Variants in PLEKHG2 observed in about 807,000 individuals in gnomAD.
PLEKHG2 encodes pleckstrin homology domain-containing family G member 2.
Under a neutral mutation model 104.4 loss-of-function variants are expected in PLEKHG2, and 71 were observed. The ratio of observed to expected loss-of-function variants is 0.68; its 90% CI spans 0.56 to 0.83. The LOEUF is 0.83. PLEKHG2 is among the 40% of genes least tolerant of loss of function. The pLI, the probability that PLEKHG2 is intolerant of heterozygous loss-of-function variation, is 0.00. For missense variants in PLEKHG2, 1,730 were observed against 1,809.4 expected (o/e 0.96, Z 0.80); for synonymous variants, 728 against 737.0 (o/e 0.99, Z 0.20).
At chr19:39,421,510 A>G (rs2078699123) in intron 16 of PLEKHG2, among the ~76,000 whole-genome samples, 1 of 151,918 alleles carries the variant, frequency 6.6e-6, no homozygotes, top group Non-Finnish European at 1.5e-5. Flanking sequence ...ACATGGCAAA[A>G]CCCCATCTCT....
Position 39,415,124 on chromosome 19 carries a change from C to A in PLEKHG2, c.242C>A (p.Pro81Gln). ...TCAGCCTCCAGGCCAGAGCCCCTTC[C>A]AGGGCCTCCCATCCGCCTACATCTC... ...ACSASRPEPL[P>Q]GPPIRLHLSP... is the part of the protein sequence containing the mutation. Residue 81 changes from proline to glutamine, a missense_variant, in exon 3 of 19, where the codon CCA (proline) becomes CAA (glutamine). Transcript: ENST00000425673. The surrounding 1 kb of genome is among the most constrained non-coding windows in gnomAD (Gnocchi z 4.6). The A allele has an allele frequency of 6.3e-7, 1 of 1,598,926 alleles. No individual in the cohort carries two copies.
intron 17 of PLEKHG2, 58 bp downstream of exon 17, chr19:39,422,346 A>G (rs938502540): frequency 1.4e-5 from 21 of 1,553,882 alleles, no homozygotes; most frequent in Non-Finnish European, 1.7e-5. Context: ...CACACAGACC[A>G]GGGACCAGAT....
rs1568397612 is a variant in PLEKHG2, at chr19:39,422,877, G to A, written c.1823G>A (p.Gly608Glu). ...EEEGLEMDER[G>E]PSPLHVLEGL... ...GAAGGGCTGGAGATGGATGAACGGG[G>A]GCCTTCCCCACTCCACGTCCTGGAA... The change falls in exon 18 of 19, where the codon GGG becomes GAG. Residue 608 changes from glycine (G) to glutamate (E), a missense_variant. By Grantham distance (98) the Gly-to-Glu change is moderately conservative. Coordinates refer to ENST00000425673, the MANE Select transcript of PLEKHG2 (RefSeq NM_022835.3). 3 of 1,585,264 alleles carry A rather than the reference G, an allele frequency of 1.9e-6. No homozygotes were observed. The highest frequency in any genetic ancestry group is 1.7e-6 in the Non-Finnish European group (2 of 1,163,980).
At position 39,418,931 on chromosome 19, in the gene PLEKHG2, A is replaced by C. The variant is rs747098821; in HGVS notation, c.1191A>C (p.Glu397Asp). 1.9e-6 allele frequency: 3 copies of C among 1,612,310 alleles called. No homozygotes were observed. Among genetic ancestry groups the C allele is most frequent in the Admixed American group, 1.7e-5 (1 of 59,684 alleles). The part of the protein sequence containing the change: ...HRHLLQAKNQ[E>D]EKRLWIHCLQ... The stretch of plus-strand genomic sequence containing the variant: ...CCCACTCCTAGGCCAAGAACCAAGA[A>C]GAGAAGAGGCTGTGGATTCACTGTC... The change falls in exon 11 of 19, where the codon GAA (glutamate) becomes GAC (aspartate). Residue 397 changes from glutamate to aspartate, a missense_variant. Glu to Asp is a conservative substitution (Grantham distance 45). Transcript: ENST00000425673.
rs767871729 is a variant in PLEKHG2 at position 39,414,144 on chromosome 19, G to T, written c.58G>T (p.Gly20Cys). 6.8e-5 allele frequency: 106 copies of T among 1,551,564 alleles called. 3 individuals carry two copies. The South Asian group carries it at 1.2e-3, about 18-fold the overall frequency. ...CAAACCTAGCCCAAGCCTCGGGTGT[G>T]GCCGAAGAGGTGAAGTGTGTGACTG... ...LSKPSPSLGC[G>C]RRGEVCDCGT... is the part of the protein sequence containing the mutation. Residue 20 changes from glycine to cysteine, a missense_variant, in exon 2 of 19, where the codon GGC becomes TGC. Physicochemically the swap from Gly to Cys is radical, Grantham distance 159. Transcript: ENST00000425673.
chr19:39,420,435 A>G (rs545496089), intron 11 of PLEKHG2, among the ~76,000 whole-genome samples, 191 bp from the exon 12 acceptor site: 2 of 152,200 alleles, frequency 1.3e-5, no homozygotes, highest in South Asian at 4.1e-4. Flanking sequence ...TGAGGTGGGA[A>G]GATCGCTTGA....
At position 39,416,861 on chromosome 19, in the gene PLEKHG2, T is replaced by C; in HGVS notation, c.605T>C (p.Leu202Pro). 6.2e-7 allele frequency: 1 copy of C among 1,606,326 alleles called. No homozygotes were observed. Among genetic ancestry groups the C allele is most frequent in the Non-Finnish European group, 8.5e-7 (1 of 1,176,686 alleles). Reference sequence around the variant, plus strand: ...TGCTGTGCCCCCAGCTCCCTGGCCCTGCTCCGGGAGCTGTCGTTGTCTCCG... The same window carrying C: ...TGCTGTGCCCCCAGCTCCCTGGCCCCGCTCCGGGAGCTGTCGTTGTCTCCG... ...YCMNYPSSLA[L>P]LRELSLSPPA... The change falls in exon 7 of 19, where the codon CTG becomes CCG. Residue 202 changes from leucine to proline, a missense_variant. Physicochemically the swap from Leu to Pro is moderately conservative, Grantham distance 98. Transcript: ENST00000425673. This position sits in a 1 kb window ranked among gnomAD's most constrained non-coding sequence, Gnocchi z 4.5.
chr19:39,428,162 T>C lies in PLEKHG2; in HGVS notation c.*2868T>C, dbSNP rs2078803590. 1 of 152,156 alleles carries C rather than the reference T, an allele frequency of 6.6e-6. No individual in the cohort carries two copies. The highest frequency in any genetic ancestry group is 2.1e-4 in the South Asian group (1 of 4,832). 9.4% of individuals were successfully genotyped at this position (152,156 alleles called of 1,614,324 possible). On this transcript the variant is annotated 3_prime_UTR_variant, in exon 19 of 19. Coordinates refer to ENST00000425673, the MANE Select transcript of PLEKHG2 (RefSeq NM_022835.3). Reference sequence around the variant, plus strand: ...AGGTGGAGGTTGCAGTGAACCGAGATTGCGCCACTAGACTCCAGCCTGGGA... The same window carrying C: ...AGGTGGAGGTTGCAGTGAACCGAGACTGCGCCACTAGACTCCAGCCTGGGA...
chr19:39,419,047 C>A (rs1371260431), intron 11 of PLEKHG2, 44 bp downstream of exon 11: 1 of 1,529,726 alleles, frequency 6.5e-7, no homozygotes, highest in Non-Finnish European at 8.8e-7. Context: ...GTGCTGGAGA[C>A]ACCCTCCCCC....
rs148317053 is a variant in PLEKHG2, at chr19:39,424,204, A to G, written c.3071A>G (p.Lys1024Arg). The G allele has an allele frequency of 2.0e-5, 33 of 1,614,170 alleles. No homozygotes were observed. The African/African-American group carries it at 2.7e-4, about 13-fold the overall frequency. ...GTTCCCACCACTCCAGCTTTGCCCAAGGAGATTTGTTCTGATTTCACAGTT... is the reference window on the plus strand; with the variant it reads ...GTTCCCACCACTCCAGCTTTGCCCAGGGAGATTTGTTCTGATTTCACAGTT... ...IHVPTTPALPKEICSDFTVSV... is the reference protein window; with the variant it reads ...IHVPTTPALPREICSDFTVSV... Residue 1024 changes from lysine (K) to arginine (R), a missense_variant, in exon 19 of 19, where the codon AAG (lysine) becomes AGG (arginine). Transcript: ENST00000425673.
At position 39,418,918 on chromosome 19, in the gene PLEKHG2, C is replaced by T; in HGVS notation, c.1178C>T (p.Ala393Val). 6.2e-7 allele frequency: 1 copy of T among 1,611,262 alleles called. No individual in the cohort carries two copies. Among genetic ancestry groups the T allele is most frequent in the Non-Finnish European group, 8.5e-7 (1 of 1,178,682 alleles). ...GACTCTACTCCAACCCACTCCTAGG[C>T]CAAGAACCAAGAAGAGAAGAGGCTG... ...TIPKHRHLLQ[A>V]KNQEEKRLWI... The change falls in exon 11 of 19, where the codon GCC becomes GTC. Residue 393 changes from alanine to valine, a missense_variant and splice_region_variant. Coordinates refer to ENST00000425673, the MANE Select transcript of PLEKHG2 (RefSeq NM_022835.3).
chr19:39,423,843 C>A lies in PLEKHG2; in HGVS notation c.2710C>A (p.Pro904Thr). The change falls in exon 19 of 19, where the codon CCT (proline) becomes ACT (threonine). Residue 904 changes from proline to threonine, a missense_variant. Transcript: ENST00000425673. ...GPAVWVQAAI[P>T]LSKQGGSPDG... is the part of the protein sequence containing the mutation. ...TGCTGTCTGGGTTCAAGCTGCCATACCTTTGTCAAAGCAGGGAGGCAGCCC... is the reference window on the plus strand; with the variant it reads ...TGCTGTCTGGGTTCAAGCTGCCATAACTTTGTCAAAGCAGGGAGGCAGCCC... The A allele has an allele frequency of 1.9e-6, 3 of 1,614,196 alleles. No homozygotes were observed. The highest frequency in any genetic ancestry group is 2.5e-6 in the Non-Finnish European group (3 of 1,180,052).
intron 16 of PLEKHG2, 34 bp downstream of exon 16, chr19:39,421,333 T>C: frequency 6.2e-7 from 1 of 1,607,958 alleles, no homozygotes; most frequent in Non-Finnish European, 8.5e-7. Context: ...TCTGGGCACC[T>C]TGACTTCTGG....
rs767843866 is a variant in PLEKHG2, at chr19:39,424,407, G to A, written c.3274G>A (p.Asp1092Asn). The stretch of plus-strand genomic sequence containing the variant: ...CAGCCTGGATCCCCAGGGCCCAGGC[G>A]ACACCCTACCACCCTTGCCATGTCA... ...GSSLDPQGPG[D>N]TLPPLPCHLP... Residue 1092 changes from aspartate to asparagine, a missense_variant, in exon 19 of 19, where the codon GAC (aspartate) becomes AAC (asparagine). Asp to Asn is a conservative substitution (Grantham distance 23). Transcript: ENST00000425673. 23 of 1,613,890 alleles carry A rather than the reference G, an allele frequency of 1.4e-5. No individual in the cohort carries two copies. Among genetic ancestry groups the A allele is most frequent in the East Asian group, 4.5e-5 (2 of 44,876 alleles).
At chr19:39,414,223 C>G (rs1600642943) in intron 2 of PLEKHG2, 28 bp downstream of exon 2, 1 of 1,544,294 alleles carries the variant, frequency 6.5e-7, no homozygotes, top group African/African-American at 1.4e-5. Context: ...GGCGGCGGAG[C>G]CTGTGGGGCT....
At chr19:39,414,970 C>G (rs374221945) in intron 2 of PLEKHG2, 22 bp from the exon 3 acceptor site, 2 of 1,568,500 alleles carry the variant, frequency 1.3e-6, no homozygotes, top group African/African-American at 1.4e-5. Context: ...TTTCTCTGAC[C>G]TCCTGTTCCA....
rs764066772 is a variant in PLEKHG2 at position 39,424,702 on chromosome 19, A to T, written c.3569A>T (p.Gln1190Leu). 2.4e-5 allele frequency: 39 copies of T among 1,614,032 alleles called. No homozygotes were observed. The Admixed American group carries it at 4.5e-4, about 19-fold the overall frequency. Residue 1190 changes from glutamine (Q) to leucine (L), a missense_variant, in exon 19 of 19, where the codon CAG becomes CTG. Physicochemically the swap from Gln to Leu is moderately radical, Grantham distance 113. Transcript: ENST00000425673. Reference sequence around the variant, plus strand: ...CCGGAGCCAAGCCTTACAGATACACAGGTCCAAAAACTCACACCTTCGTTG... The same window carrying T: ...CCGGAGCCAAGCCTTACAGATACACTGGTCCAAAAACTCACACCTTCGTTG... The part of the protein sequence containing the change: ...PLPEPSLTDT[Q>L]VQKLTPSLEQ...
chr19:39,428,346 G>C lies in PLEKHG2; in HGVS notation c.*3052G>C, dbSNP rs1362226190. 6.6e-6 allele frequency: 1 copy of C among 152,264 alleles called. No homozygotes were observed. Among genetic ancestry groups the C allele is most frequent in the Non-Finnish European group, 1.5e-5 (1 of 68,058 alleles). 9.4% of individuals were successfully genotyped at this position (152,264 alleles called of 1,614,324 possible). A position where few individuals can be genotyped will look rare whatever the true frequency, so the allele number is the denominator to read the frequency against. Reference sequence around the variant, plus strand: ...TACTGTGCACACCTCAGGGGATTCTGATAATTAGCTGAGCACAGTTGCCAG... The same window carrying C: ...TACTGTGCACACCTCAGGGGATTCTCATAATTAGCTGAGCACAGTTGCCAG... On this transcript the variant is annotated 3_prime_UTR_variant, in exon 19 of 19. Coordinates refer to ENST00000425673, the MANE Select transcript of PLEKHG2 (RefSeq NM_022835.3).
rs758539061 is a variant in PLEKHG2 at position 39,423,565 on chromosome 19, G to T, written c.2511G>T (p.Arg837=). ...AGCAGATGCAGCGGGCGGAGACTCGGGCATCAGCCAATGCCCCGCGCCGCC... is the reference window on the plus strand; with the variant it reads ...AGCAGATGCAGCGGGCGGAGACTCGTGCATCAGCCAATGCCCCGCGCCGCC... ...RIQQMQRAET[R]ASANAPRRRP... Residue 837 remains arginine (R), a synonymous_variant, in exon 18 of 19, where the codon CGG becomes CGT. Transcript: ENST00000425673. 22 of 1,538,640 alleles carry T rather than the reference G, an allele frequency of 1.4e-5. No homozygotes were observed. Among genetic ancestry groups the T allele is most frequent in the East Asian group, 2.3e-5 (1 of 43,784 alleles).
Sources: allele counts gnomAD v4.1 joint callset (sites outside exome capture counted in the v4.1 genomes callset), GRCh38; gene constraint gnomAD v4.1.1; non-coding constraint Gnocchi (gnomAD v3.1); transcripts MANE v1.5; gene names NCBI Gene and HGNC (gene_info 2026-07-23, HGNC 2026-07-21).